ZNF804B: variants seen among roughly 807,000 people sequenced by gnomAD.
ZNF804B encodes zinc finger protein 804B.
ZNF804B carries 80 observed loss-of-function variants against 101.4 expected under a neutral mutation model. That is an observed-to-expected ratio of 0.79 (90% confidence interval 0.66 to 0.95). The LOEUF (loss-of-function observed/expected upper bound fraction) is 0.95. ZNF804B is among the 40% of genes least tolerant of loss of function. The pLI is 0.00. For missense variants in ZNF804B, 1,673 were observed against 1,561.9 expected, an observed-to-expected ratio of 1.07 and a Z score of -1.20; for synonymous variants, 622 against 558.8, an observed-to-expected ratio of 1.11 and a Z score of -1.59.
rs758903812 is a variant in ZNF804B, at chr7:89,252,684, A to G, written c.249+34389A>G. On this transcript the variant is annotated intron_variant, in intron 2 of 3. Transcript: ENST00000333190. ...AAAGACAATGTAGTACATATACACCATAGAATACTATGCAGCCATATAAAA... is the reference window on the plus strand; with the variant it reads ...AAAGACAATGTAGTACATATACACCGTAGAATACTATGCAGCCATATAAAA... Among the ~76,000 whole-genome samples, 78 of 152,240 alleles carry G rather than the reference A, an allele frequency of 5.1e-4. 1 individual carries two copies. The highest frequency in any genetic ancestry group is 8.5e-4 in the Admixed American group (13 of 15,276).
intron 2 of ZNF804B, among the ~76,000 whole-genome samples, chr7:89,254,092 G>A (rs1260530891): frequency 6.6e-6 from 1 of 151,970 alleles, no homozygotes; most frequent in African/African-American, 2.4e-5. Flanking sequence ...CAAGTCAGTG[G>A]AAAGTTTCTG....
At chr7:89,299,789 A>C (rs1355834287) in intron 2 of ZNF804B, among the ~76,000 whole-genome samples, 1 of 152,020 alleles carries the variant, frequency 6.6e-6, no homozygotes, top group Non-Finnish European at 1.5e-5. Flanking sequence ...AAAATGTATC[A>C]GTTTATTTAC....
intron 1 of ZNF804B, among the ~76,000 whole-genome samples, chr7:89,061,918 G>T (rs1292213927): frequency 6.6e-6 from 1 of 151,912 alleles, no homozygotes; most frequent in Non-Finnish European, 1.5e-5. Flanking sequence ...TATACTATAT[G>T]TATACTCTTG....
intron 1 of ZNF804B, among the ~76,000 whole-genome samples, chr7:89,052,834 C>A (rs936083636): frequency 7.2e-5 from 11 of 152,164 alleles, no homozygotes; most frequent in Non-Finnish European, 1.3e-4. Flanking sequence ...ACACTCACTT[C>A]TTTGCACTGC....
intron 1 of ZNF804B, among the ~76,000 whole-genome samples, chr7:88,820,454 C>G (rs930948721): frequency 6.6e-6 from 1 of 152,088 alleles, no homozygotes. Flanking sequence ...CCATTATCTC[C>G]TGGGAAAAAG....
At chr7:88,859,326 T>C (rs1791615524) in intron 1 of ZNF804B, among the ~76,000 whole-genome samples, 1 of 152,086 alleles carries the variant, frequency 6.6e-6, no homozygotes, top group Non-Finnish European at 1.5e-5. Context: ...GCAGAAAAAT[T>C]GGATTAGGCC....
In ZNF804B at chr7:89,152,255, T is replaced by C. The variant is rs552439846; in HGVS notation, c.109-65900T>C. Among the ~76,000 whole-genome samples the C allele has an allele frequency of 4.0e-5, 6 of 149,114 alleles. No homozygotes were observed. The South Asian group carries it at 1.3e-3, about 31-fold the overall frequency. ...TTCAGACTACTGCATGGTTTTTTCTTTTTTTTTTTGTATTTGTATACATTT... is the reference window on the plus strand; with the variant it reads ...TTCAGACTACTGCATGGTTTTTTCTCTTTTTTTTTGTATTTGTATACATTT... On this transcript the variant is annotated intron_variant, in intron 1 of 3. Coordinates refer to ENST00000333190, the MANE Select transcript of ZNF804B (RefSeq NM_181646.5).
chr7:88,948,526 A>G (rs531971936), intron 1 of ZNF804B, among the ~76,000 whole-genome samples: 1 of 151,918 alleles, frequency 6.6e-6, no homozygotes, highest in African/African-American at 2.4e-5. Context: ...AGAATCCCCC[A>G]AACTCTGAGA....
At chr7:89,224,162 G>A (rs969061169) in intron 2 of ZNF804B, among the ~76,000 whole-genome samples, 4 of 151,908 alleles carry the variant, frequency 2.6e-5, no homozygotes, top group Admixed American at 2.6e-4. Flanking sequence ...CCAGATCCCT[G>A]TACAATTAAC....
intron 2 of ZNF804B, among the ~76,000 whole-genome samples, chr7:89,289,753 G>T (rs1790257793): frequency 6.6e-6 from 1 of 152,106 alleles, no homozygotes; most frequent in African/African-American, 2.4e-5. Context: ...GTACTCTGTG[G>T]CACTAAATAA....
intron 1 of ZNF804B, among the ~76,000 whole-genome samples, chr7:89,062,250 G>A (rs368061916): frequency 1.1e-4 from 16 of 151,978 alleles, no homozygotes; most frequent in East Asian, 5.8e-4. Context: ...TTTGAACTTC[G>A]TGACATGGAA....
intron 1 of ZNF804B, among the ~76,000 whole-genome samples, chr7:88,902,968 A>G (rs995997423): frequency 2.6e-5 from 4 of 152,068 alleles, no homozygotes; most frequent in Admixed American, 6.6e-5. Context: ...TTTATTTTAC[A>G]TATGGGAGTA....
intron 1 of ZNF804B, among the ~76,000 whole-genome samples, chr7:88,944,644 A>G (rs1013460822): frequency 6.6e-6 from 1 of 151,846 alleles, no homozygotes; most frequent in Non-Finnish European, 1.5e-5. Context: ...CTATTTACAT[A>G]GTATTTACAT....
chr7:89,251,112 A>C (rs1026845851), intron 2 of ZNF804B, among the ~76,000 whole-genome samples: 29 of 152,196 alleles, frequency 1.9e-4, no homozygotes, highest in Non-Finnish European at 1.0e-4. Context: ...CAAGATAAAG[A>C]AATAAAAGGC....
chr7:89,294,141 A>G (rs1790343706), intron 2 of ZNF804B, among the ~76,000 whole-genome samples: 1 of 152,334 alleles, frequency 6.6e-6, no homozygotes, highest in Non-Finnish European at 1.5e-5. Flanking sequence ...GATGCATTCA[A>G]GAAAAGTAGT....
chr7:89,067,135 C>T (rs1204536162), intron 1 of ZNF804B, among the ~76,000 whole-genome samples: 1 of 152,148 alleles, frequency 6.6e-6, no homozygotes, highest in Non-Finnish European at 1.5e-5. Context: ...ATCTATCTGT[C>T]TACCAACCTA....
intron 1 of ZNF804B, among the ~76,000 whole-genome samples, chr7:88,919,963 A>G (rs973534501): frequency 6.6e-6 from 1 of 152,064 alleles, no homozygotes; most frequent in Non-Finnish European, 1.5e-5. Flanking sequence ...GAAAACATCC[A>G]AGAGCTCTGA....
At chr7:89,112,741 A>G (rs1019624095) in intron 1 of ZNF804B, among the ~76,000 whole-genome samples, 3 of 152,166 alleles carry the variant, frequency 2.0e-5, no homozygotes, top group Non-Finnish European at 4.4e-5. Flanking sequence ...TTGAGGCTGC[A>G]TAGTGCTTAT....
intron 1 of ZNF804B, among the ~76,000 whole-genome samples, chr7:88,894,954 A>G (rs906994261): frequency 1.3e-5 from 2 of 152,162 alleles, no homozygotes; most frequent in African/African-American, 4.8e-5. Context: ...AAACTTCTAG[A>G]ACTCTATAAC....
Sources: allele counts gnomAD v4.1 joint callset (sites outside exome capture counted in the v4.1 genomes callset), GRCh38; gene constraint gnomAD v4.1.1; transcripts MANE v1.5; gene names NCBI Gene and HGNC (gene_info 2026-07-23, HGNC 2026-07-21).